Variants in PREX1 observed in about 807,000 individuals in gnomAD.
PREX1 encodes the protein phosphatidylinositol 3,4,5-trisphosphate-dependent Rac exchanger 1 protein.
In PREX1, 41 loss-of-function variants were observed where a neutral mutation model predicts 198.3. The ratio of observed to expected loss-of-function variants is 0.21; its 90% CI spans 0.16 to 0.27. The LOEUF is 0.27. Among genes scored for constraint, PREX1 ranks in the 10% least tolerant of loss-of-function variants. PREX1 has a pLI of 1.00. For missense variants in PREX1, 1,620 were observed against 2,200.7 expected (o/e 0.74, Z 5.28); for synonymous variants, 843 against 887.2 (o/e 0.95, Z 0.89).
chr20:48,827,666 C>A lies in PREX1; in HGVS notation c.195G>T (p.Val65=). The A allele has an allele frequency of 7.4e-7, 1 of 1,355,554 alleles. No individual in the cohort carries two copies. The highest frequency in any genetic ancestry group is 2.8e-5 in the East Asian group (1 of 35,092). 84.0% of individuals were successfully genotyped at this position (1,355,554 alleles called of 1,614,324 possible). ...CCGACTGCAAGAAGCGCAAGGTGCCCACGTAGTCCCTCTCGGTGCCCAAGA... is the reference window on the plus strand; with the variant it reads ...CCGACTGCAAGAAGCGCAAGGTGCCAACGTAGTCCCTCTCGGTGCCCAAGA... ...NEILGTERDY[V]GTLRFLQSAF... Residue 65 remains valine (V), a synonymous_variant, in exon 1 of 40, where the codon GTG becomes GTT. Transcript: ENST00000371941. The surrounding 1 kb of genome is among the most constrained non-coding windows in gnomAD (Gnocchi z 4.1).
chr20:48,768,731 T>C (rs1482280484), intron 1 of PREX1, among the ~76,000 whole-genome samples: 3 of 151,320 alleles, frequency 2.0e-5, no homozygotes, highest in African/African-American at 4.9e-5. Flanking sequence ...GCTGAGATCA[T>C]GCCACTGCAC....
At chr20:48,820,692 T>C (rs912162798) in intron 1 of PREX1, among the ~76,000 whole-genome samples, 6 of 152,152 alleles carry the variant, frequency 3.9e-5, no homozygotes, top group Non-Finnish European at 8.8e-5. Context: ...TCTGGAGACA[T>C]CTGTGGTTGT....
chr20:48,794,462 CAG>C (rs2122984113), intron 1 of PREX1, among the ~76,000 whole-genome samples: 1 of 152,332 alleles, frequency 6.6e-6, no homozygotes, highest in East Asian at 1.9e-4. Flanking sequence ...GGCCAGGAGG[CAG>C]AGAGGAGGCC....
At position 48,691,755 on chromosome 20, in the gene PREX1, T is replaced by A. The variant is rs1350099888; in HGVS notation, c.1037-659A>T. Among the ~76,000 whole-genome samples the A allele has an allele frequency of 1.3e-5, 2 of 152,188 alleles. No individual in the cohort carries two copies. Among genetic ancestry groups the A allele is most frequent in the South Asian group, 2.1e-4 (1 of 4,832 alleles). The stretch of plus-strand genomic sequence containing the variant: ...TCCATCACCCAAAGAATGGATGAAG[T>A]GTGAAATGTTCACGTGACGGAACAC... On this transcript the variant is annotated intron_variant, in intron 8 of 39. Transcript: ENST00000371941. The surrounding 1 kb of genome is among the most constrained non-coding windows in gnomAD (Gnocchi z 5.0).
rs536378538 is a variant in PREX1, at chr20:48,778,434, A to G, written c.220-30554T>C. On this transcript the variant is annotated intron_variant, in intron 1 of 39. Transcript: ENST00000371941. ...ACTAAAAGTCAAAAATCAAAAAAAA[A>G]AAAAAAAAATTAGCCAGGCATGGCA... 2.0e-5 allele frequency among the ~76,000 whole-genome samples: 3 copies of G among 151,916 alleles called. No individual in the cohort carries two copies. In the South Asian group the frequency reaches 6.2e-4, roughly 32 times the overall value.
At chr20:48,774,383 C>T (rs2090251381) in intron 1 of PREX1, among the ~76,000 whole-genome samples, 1 of 152,230 alleles carries the variant, frequency 6.6e-6, no homozygotes, top group Admixed American at 6.5e-5. Flanking sequence ...GTGTCTTCCA[C>T]TTTCCTCATC....
At chr20:48,853,516 C>G in the PREX1 span, among the ~76,000 whole-genome samples, 1 of 152,272 alleles carries the variant, frequency 6.6e-6, no homozygotes, top group Middle Eastern at 3.4e-3. Flanking sequence ...GGAACCACCC[C>G]CATGATTCAA....
intron 3 of PREX1, among the ~76,000 whole-genome samples, chr20:48,743,993 A>G (rs1214371335): frequency 4.0e-5 from 3 of 75,258 alleles, no homozygotes; most frequent in Non-Finnish European, 1.1e-4. Context: ...TGAGTTAGTG[A>G]TGATGATGAT....
At chr20:48,738,568 C>T (rs2090067252) in intron 3 of PREX1, among the ~76,000 whole-genome samples, 1 of 152,202 alleles carries the variant, frequency 6.6e-6, no homozygotes, top group Non-Finnish European at 1.5e-5. Flanking sequence ...TCCAAGTGTT[C>T]CATTTCCTCC....
At chr20:48,778,344 C>A (rs762084256) in intron 1 of PREX1, among the ~76,000 whole-genome samples, 1 of 150,188 alleles carries the variant, frequency 6.7e-6, no homozygotes, top group Admixed American at 6.7e-5. Context: ...GAGGCCAAGG[C>A]GGGCAGATCA....
Position 48,767,583 on chromosome 20 carries a change from G to C in PREX1, c.220-19703C>G, listed in dbSNP as rs2426091. On this transcript the variant is annotated intron_variant, in intron 1 of 39. Transcript: ENST00000371941. ...AGTCGCACCAGAGTGAAATGCCAAC[G>C]CTTACGTTACCATCACTGATGGGGT... 2.1e-3 allele frequency among the ~76,000 whole-genome samples: 322 copies of C among 151,970 alleles called. 1 individual carries two copies. Among genetic ancestry groups the C allele is most frequent in the Non-Finnish European group, 3.0e-3 (203 of 67,936 alleles).
intron 1 of PREX1, among the ~76,000 whole-genome samples, chr20:48,783,323 C>T (rs1294700777): frequency 7.9e-5 from 12 of 151,780 alleles, no homozygotes; most frequent in Admixed American, 4.6e-4. Context: ...AGAGTGACTC[C>T]GAAGTTTTTG....
intron 18 of PREX1, among the ~76,000 whole-genome samples, 172 bp downstream of exon 18, chr20:48,656,868 G>A (rs116346471): frequency 6.6e-6 from 1 of 152,156 alleles, no homozygotes; most frequent in Non-Finnish European, 1.5e-5. Context: ...ACCAAGCACA[G>A]AGTGGCACTC....
chr20:48,646,020 ACC>A lies in PREX1; in HGVS notation c.3341_3342del (p.Gly1114ValfsTer8). On this transcript the variant is annotated frameshift_variant, in exon 26 of 40. Transcript: ENST00000371941. LOFTEE classifies it high-confidence loss of function. Reference sequence around the variant, plus strand: ...TCCTCAGCCAAGGATGCGTCGCAGGACCCACCCGAGGTGGGCTCTGTGATGGT... The same window carrying A: ...TCCTCAGCCAAGGATGCGTCGCAGGACACCCGAGGTGGGCTCTGTGATGGT... Reference protein sequence around the residue: ...LSTITEPTSGGSCDASLAEEA... With the variant: ...LSTITEPTSGXSCDASLAEEA... 1 of 1,614,008 alleles carries A rather than the reference ACC, an allele frequency of 6.2e-7. No individual in the cohort carries two copies. The highest frequency in any genetic ancestry group is 8.5e-7 in the Non-Finnish European group (1 of 1,180,010).
At chr20:48,808,798 T>A (rs2090422924) in intron 1 of PREX1, among the ~76,000 whole-genome samples, 1 of 152,200 alleles carries the variant, frequency 6.6e-6, no homozygotes, top group South Asian at 2.1e-4. Context: ...TCCGTGTGGA[T>A]CCTAAAACAG....
the PREX1 span, among the ~76,000 whole-genome samples, chr20:48,848,037 T>C: frequency 2.2e-4 from 33 of 152,314 alleles, no homozygotes; most frequent in African/African-American, 7.0e-4. Context: ...TTTGGGGCTA[T>C]TATGAAAGAG....
At chr20:48,637,810 A>C (rs2089377016) in intron 30 of PREX1, 58 bp from the exon 31 acceptor site, 3 of 1,514,534 alleles carry the variant, frequency 2.0e-6, no homozygotes, top group Non-Finnish European at 2.7e-6. Context: ...GCAAGAGGTG[A>C]GGGCAGAACC....
At position 48,632,230 on chromosome 20, in the gene PREX1, TGGA is replaced by T. The variant is rs747834869; in HGVS notation, c.4526+44_4526+46del. The T allele has an allele frequency of 1.5e-5, 23 of 1,577,756 alleles. No individual in the cohort carries two copies. In the South Asian group the frequency reaches 2.1e-4, roughly 14 times the overall value. On this transcript the variant is annotated intron_variant, in intron 35 of 39. Coordinates refer to ENST00000371941, the MANE Select transcript of PREX1 (RefSeq NM_020820.4). ...CTTCCATGCTAATGCCCACTCCACG[TGGA>T]GGTTTCCTGACTCCTGCCCCCAACG... is the stretch of plus-strand genomic sequence containing the variant.
At chr20:48,656,757 TTGTC>T (rs906106231) in intron 18 of PREX1, among the ~76,000 whole-genome samples, 2 of 152,168 alleles carry the variant, frequency 1.3e-5, no homozygotes, top group African/African-American at 4.8e-5. Context: ...TATCTGCACA[TTGTC>T]TGTCTCCTGC....
Sources: allele counts gnomAD v4.1 joint callset (sites outside exome capture counted in the v4.1 genomes callset), GRCh38; gene constraint gnomAD v4.1.1; non-coding constraint Gnocchi (gnomAD v3.1); transcripts MANE v1.5; gene names NCBI Gene and HGNC (gene_info 2026-07-23, HGNC 2026-07-21).